The following TMEM132D variants were observed in gnomAD, a reference collection of about 807,000 sequenced individuals.
TMEM132D encodes mature OL transmembrane protein.
TMEM132D carries 21 observed loss-of-function variants against 62.3 expected under a neutral mutation model. The ratio of observed to expected loss-of-function variants is 0.34; its 90% CI spans 0.24 to 0.49. The LOEUF is 0.49. TMEM132D is among the 20% of genes least tolerant of loss of function. The pLI, the probability that TMEM132D is intolerant of heterozygous loss-of-function variation, is 0.99. For synonymous variants in TMEM132D, 621 were observed against 575.6 expected, an observed-to-expected ratio of 1.08 and a Z score of -1.13; for missense variants, 1,346 against 1,402.8, an observed-to-expected ratio of 0.96 and a Z score of 0.65.
At chr12:129,638,564 A>AATTATATAT (rs1879552152) in intron 2 of TMEM132D, among the ~76,000 whole-genome samples, 3 of 3,240 alleles carry the variant, frequency 9.3e-4, no homozygotes, top group Non-Finnish European at 1.6e-3. Flanking sequence ...TAAATATATA[A>AATTATATAT]ACATATATAA....
intron 4 of TMEM132D, among the ~76,000 whole-genome samples, chr12:129,269,478 C>T (rs1214953821): frequency 2.0e-5 from 3 of 152,086 alleles, no homozygotes; most frequent in Non-Finnish European, 4.4e-5. Context: ...TTTGCTAGCC[C>T]TGTCTCAACA....
intron 2 of TMEM132D, among the ~76,000 whole-genome samples, chr12:129,678,345 G>C (rs1880691315): frequency 6.6e-6 from 1 of 151,992 alleles, no homozygotes; most frequent in Admixed American, 6.5e-5. Context: ...TTGGCAATAT[G>C]GTAATTATAA....
intron 1 of TMEM132D, among the ~76,000 whole-genome samples, chr12:129,736,595 C>T (rs1290441942): frequency 7.4e-6 from 1 of 134,572 alleles, no homozygotes; most frequent in Admixed American, 8.1e-5. Flanking sequence ...TAAAGAAAAA[C>T]AATGATGTTT....
At chr12:129,556,558 T>A (rs1877064718) in intron 2 of TMEM132D, among the ~76,000 whole-genome samples, 1 of 152,050 alleles carries the variant, frequency 6.6e-6, no homozygotes, top group Non-Finnish European at 1.5e-5. Flanking sequence ...AATACTAATA[T>A]AATAGGTTGC....
intron 1 of TMEM132D, among the ~76,000 whole-genome samples, chr12:129,798,287 A>T (rs1871625586): frequency 6.6e-6 from 1 of 152,152 alleles, no homozygotes. Context: ...CAATCCTTTA[A>T]AGAAAAACGG....
At chr12:129,272,548 A>C (rs564770931) in intron 4 of TMEM132D, among the ~76,000 whole-genome samples, 1 of 151,938 alleles carries the variant, frequency 6.6e-6, no homozygotes, top group Admixed American at 6.5e-5. Flanking sequence ...ATTGTTATTA[A>C]GAGTATTTGC....
chr12:129,156,128 A>G (rs1189777038), intron 5 of TMEM132D, among the ~76,000 whole-genome samples: 1 of 151,912 alleles, frequency 6.6e-6, no homozygotes, highest in Non-Finnish European at 1.5e-5. Context: ...ACGATAACCA[A>G]CTCACTCCAA....
Position 129,388,263 on chromosome 12 carries a change from A to G in TMEM132D, c.1116-50446T>C, listed in dbSNP as rs1418475199. Among the ~76,000 whole-genome samples the G allele has an allele frequency of 7.5e-4, 98 of 130,282 alleles. 1 individual carries two copies. The highest frequency in any genetic ancestry group is 1.4e-3 in the Non-Finnish European group (77 of 56,342). 85.5% of individuals were successfully genotyped at this position (130,282 alleles called of 152,430 possible). A position where few individuals can be genotyped will look rare whatever the true frequency, so the allele number is the denominator to read the frequency against. On this transcript the variant is annotated intron_variant, in intron 3 of 8. Coordinates refer to ENST00000422113, the MANE Select transcript of TMEM132D (RefSeq NM_133448.3). Reference sequence around the variant, plus strand: ...TATAAACACTAACACCGACACCAATACTAACACCAACACCAATCCAGCACT... The same window carrying G: ...TATAAACACTAACACCGACACCAATGCTAACACCAACACCAATCCAGCACT...
chr12:129,514,630 T>C (rs1875619587), intron 3 of TMEM132D, among the ~76,000 whole-genome samples: 1 of 152,218 alleles, frequency 6.6e-6, no homozygotes, highest in Non-Finnish European at 1.5e-5. Context: ...AACATTCATC[T>C]TTGCATCCTT....
intron 4 of TMEM132D, among the ~76,000 whole-genome samples, chr12:129,299,434 T>G (rs1204188036): frequency 6.6e-6 from 1 of 151,836 alleles, no homozygotes. Context: ...TTTTTTTTTT[T>G]TTTTGCCAAT....
intron 1 of TMEM132D, among the ~76,000 whole-genome samples, chr12:129,821,629 C>T (rs1872544253): frequency 6.6e-6 from 1 of 152,196 alleles, no homozygotes; most frequent in African/African-American, 2.4e-5. Flanking sequence ...GTATTTCTGG[C>T]AGAGGCAAAA....
At chr12:129,227,075 A>C (rs1879498991) in intron 4 of TMEM132D, among the ~76,000 whole-genome samples, 1 of 151,952 alleles carries the variant, frequency 6.6e-6, no homozygotes, top group South Asian at 2.1e-4. Context: ...AAATCCCCTC[A>C]AGGAGGAATT....
chr12:129,168,472 G>A (rs1020887639), intron 5 of TMEM132D, among the ~76,000 whole-genome samples: 6 of 151,862 alleles, frequency 4.0e-5, no homozygotes, highest in African/African-American at 1.5e-4. Context: ...TTTACTTTCC[G>A]CTCTATGGAT....
chr12:129,758,766 C>T (rs1372896224), intron 1 of TMEM132D, among the ~76,000 whole-genome samples: 1 of 152,036 alleles, frequency 6.6e-6, no homozygotes, highest in Non-Finnish European at 1.5e-5. Context: ...GAAAATTCTG[C>T]TCATAGTTAT....
At chr12:129,586,701 G>C (rs1565913506) in intron 2 of TMEM132D, among the ~76,000 whole-genome samples, 1 of 152,182 alleles carries the variant, frequency 6.6e-6, no homozygotes, top group South Asian at 2.1e-4. Context: ...CGTGGAGTTA[G>C]AATTTCAACA....
intron 3 of TMEM132D, among the ~76,000 whole-genome samples, chr12:129,509,091 T>C (rs370778410): frequency 1.7e-4 from 26 of 152,254 alleles, no homozygotes; most frequent in South Asian, 6.2e-4. Flanking sequence ...ATTGAGCCAA[T>C]TGAATGATTC....
At chr12:129,483,979 C>CT (rs1168049895) in intron 3 of TMEM132D, among the ~76,000 whole-genome samples, 8 of 152,040 alleles carry the variant, frequency 5.3e-5, no homozygotes, top group East Asian at 3.9e-4. Context: ...ACTTATTTCT[C>CT]TTTTTTTTGA....
chr12:129,132,723 G>GTATA (rs1415220077), intron 5 of TMEM132D, among the ~76,000 whole-genome samples: 35 of 152,100 alleles, frequency 2.3e-4, no homozygotes, highest in Admixed American at 2.3e-3. Context: ...TAATGTACAG[G>GTATA]TATATCAGCA....
At chr12:129,724,656 G>T (rs889359017) in intron 1 of TMEM132D, among the ~76,000 whole-genome samples, 1 of 152,142 alleles carries the variant, frequency 6.6e-6, no homozygotes, top group Admixed American at 6.5e-5. Context: ...CTGAGTAGCT[G>T]GGATTGCAAG....
Sources: allele counts gnomAD v4.1 joint callset (sites outside exome capture counted in the v4.1 genomes callset), GRCh38; gene constraint gnomAD v4.1.1; transcripts MANE v1.5; gene names NCBI Gene and HGNC (gene_info 2026-07-23, HGNC 2026-07-21).